Variants in COL13A1 observed in about 807,000 individuals in gnomAD.
COL13A1 encodes collagen type XIII alpha 1 chain, also known as collagen alpha-1(XIII) chain.
In COL13A1, 89 loss-of-function variants were observed where a neutral mutation model predicts 130.9. The ratio of observed to expected loss-of-function variants is 0.68; its 90% confidence interval spans 0.57 to 0.81. The LOEUF is 0.81. Ranked by LOEUF, COL13A1 falls within the 30% of genes least tolerant of loss-of-function variation. COL13A1 has a pLI of 0.00. For missense variants in COL13A1, 879 were observed against 934.6 expected (o/e 0.94, Z 0.78); for synonymous variants, 402 against 341.6 (o/e 1.18, Z -1.95).
intron 1 of COL13A1, among the ~76,000 whole-genome samples, chr10:69,820,796 C>T (rs1319899978): frequency 6.6e-6 from 1 of 152,188 alleles, no homozygotes; most frequent in Non-Finnish European, 1.5e-5. Context: ...GGCATTTGCA[C>T]TCACCTTCCT....
At chr10:69,936,861 T>C in intron 33 of COL13A1, 79 bp downstream of exon 33, 2 of 1,550,984 alleles carry the variant, frequency 1.3e-6, no homozygotes, top group South Asian at 1.1e-5. Context: ...CAGCTGACCC[T>C]TTTTCCTAGA....
chr10:69,919,934 C>G (rs1356426588), intron 21 of COL13A1, among the ~76,000 whole-genome samples: 1 of 152,208 alleles, frequency 6.6e-6, no homozygotes, highest in African/African-American at 2.4e-5. Context: ...GCCTTGATTA[C>G]CCAGCAGAAA....
chr10:69,850,125 C>T (rs906957427), intron 2 of COL13A1, among the ~76,000 whole-genome samples: 1 of 152,018 alleles, frequency 6.6e-6, no homozygotes, highest in Admixed American at 6.6e-5. Context: ...CTTTGGTTCT[C>T]AACTACAGCA....
At chr10:69,807,897 C>T (rs1361292263) in intron 1 of COL13A1, among the ~76,000 whole-genome samples, 3 of 152,152 alleles carry the variant, frequency 2.0e-5, no homozygotes, top group Non-Finnish European at 2.9e-5. Flanking sequence ...CATTCCAGGG[C>T]CCTCAGCAGA....
At chr10:69,808,346 C>T (rs1414264715) in intron 1 of COL13A1, among the ~76,000 whole-genome samples, 1 of 152,216 alleles carries the variant, frequency 6.6e-6, no homozygotes, top group Admixed American at 6.5e-5. Flanking sequence ...CACTCCAACC[C>T]AATGTGGGCT....
chr10:69,943,394 G>GA (rs928144675), intron 35 of COL13A1, among the ~76,000 whole-genome samples: 1 of 152,230 alleles, frequency 6.6e-6, no homozygotes, highest in Non-Finnish European at 1.5e-5. Context: ...GCCAGGCTGT[G>GA]AACTGGGAAC....
chr10:69,833,216 G>GC (rs2132999023), intron 2 of COL13A1, among the ~76,000 whole-genome samples: 1 of 152,290 alleles, frequency 6.6e-6, no homozygotes, highest in African/African-American at 2.4e-5. Flanking sequence ...CTTAGCACCT[G>GC]CCCTGTGAGG....
At chr10:69,811,532 A>C (rs1241770897) in intron 1 of COL13A1, among the ~76,000 whole-genome samples, 1 of 152,082 alleles carries the variant, frequency 6.6e-6, no homozygotes, top group Non-Finnish European at 1.5e-5. Flanking sequence ...CTGGCACTTG[A>C]GGTTTCCTGG....
In COL13A1 at chr10:69,845,289, T is replaced by C. The variant is rs531351669; in HGVS notation, c.365-22509T>C. ...CTCACTGCAACCTCCGCCTCCCAGGTTCAAGTGATTCTCCTGCCTCAGCCT... is the reference window on the plus strand; with the variant it reads ...CTCACTGCAACCTCCGCCTCCCAGGCTCAAGTGATTCTCCTGCCTCAGCCT... On this transcript the variant is annotated intron_variant, in intron 2 of 40. Transcript: ENST00000645393. Among the ~76,000 whole-genome samples, 291 of 151,872 alleles carry C rather than the reference T, an allele frequency of 1.9e-3. 1 individual carries two copies. The highest frequency in any genetic ancestry group is 3.3e-3 in the Non-Finnish European group (227 of 67,924).
At chr10:69,941,442 T>C (rs144426142) in intron 35 of COL13A1, among the ~76,000 whole-genome samples, 1 of 152,318 alleles carries the variant, frequency 6.6e-6, no homozygotes, top group Non-Finnish European at 1.5e-5. Flanking sequence ...GTCCATCTCC[T>C]GTCTTCCCAC....
intron 17 of COL13A1, among the ~76,000 whole-genome samples, chr10:69,915,725 G>A (rs1471380907): frequency 6.6e-6 from 1 of 152,238 alleles, no homozygotes; most frequent in African/African-American, 2.4e-5. Context: ...GAGTCAGTGT[G>A]CGAGGGCAGC....
At chr10:69,924,060 C>T (rs2065036312) in intron 24 of COL13A1, among the ~76,000 whole-genome samples, 1 of 152,192 alleles carries the variant, frequency 6.6e-6, no homozygotes, top group Admixed American at 6.5e-5. Flanking sequence ...AGGGATGGGA[C>T]ATTTGACCAG....
At chr10:69,854,942 A>G (rs1401944405) in intron 2 of COL13A1, among the ~76,000 whole-genome samples, 1 of 152,140 alleles carries the variant, frequency 6.6e-6, no homozygotes, top group Non-Finnish European at 1.5e-5. Flanking sequence ...GTGTAAGGAA[A>G]TCGGAGGCTC....
rs2135668878 is a variant in COL13A1, at chr10:69,923,785, T to C, written c.1231-17T>C. 1 of 1,606,934 alleles carries C rather than the reference T, an allele frequency of 6.2e-7. No homozygotes were observed. Among genetic ancestry groups the C allele is most frequent in the Admixed American group, 1.7e-5 (1 of 59,156 alleles). On this transcript the variant is annotated splice_polypyrimidine_tract_variant and intron_variant, in intron 23 of 40. Coordinates refer to ENST00000645393, the MANE Select transcript of COL13A1 (RefSeq NM_001368882.1). ...GTGCCCAGCATGCCCTCATCCCAACTCTCTCCTCTTCCCCAGGGAGAAGCA... is the reference window on the plus strand; with the variant it reads ...GTGCCCAGCATGCCCTCATCCCAACCCTCTCCTCTTCCCCAGGGAGAAGCA...
chr10:69,812,166 G>A (rs184562688), intron 1 of COL13A1, among the ~76,000 whole-genome samples: 5 of 152,162 alleles, frequency 3.3e-5, no homozygotes, highest in African/African-American at 4.8e-5. Context: ...TGCTAAATGT[G>A]ACCCATATGG....
chr10:69,849,853 C>A (rs965499581), intron 2 of COL13A1, among the ~76,000 whole-genome samples: 2 of 152,220 alleles, frequency 1.3e-5, no homozygotes, highest in African/African-American at 4.8e-5. Context: ...TTGAACCAAG[C>A]ACCTTATGGG....
chr10:69,846,693 A>G (rs901849322), intron 2 of COL13A1, among the ~76,000 whole-genome samples: 34 of 152,298 alleles, frequency 2.2e-4, no homozygotes, highest in African/African-American at 7.7e-4. Context: ...TCCTCCCTCC[A>G]GTGCTCCCAA....
chr10:69,853,601 A>G (rs1259134506), intron 2 of COL13A1, among the ~76,000 whole-genome samples: 2 of 152,056 alleles, frequency 1.3e-5, no homozygotes, highest in Non-Finnish European at 2.9e-5. Flanking sequence ...AACAATGTAT[A>G]AAAGGAAAAC....
chr10:69,895,906 A>G (rs967169401), intron 13 of COL13A1, among the ~76,000 whole-genome samples: 1 of 152,098 alleles, frequency 6.6e-6, no homozygotes, highest in Non-Finnish European at 1.5e-5. Context: ...TGCTCTGCAC[A>G]TGGCCCCCTG....
Sources: allele counts gnomAD v4.1 joint callset (sites outside exome capture counted in the v4.1 genomes callset), GRCh38; gene constraint gnomAD v4.1.1; transcripts MANE v1.5; gene names NCBI Gene and HGNC (gene_info 2026-07-23, HGNC 2026-07-21).